ARHGEF6: variants seen among roughly 807,000 people sequenced by gnomAD.
ARHGEF6 encodes the protein Rac/Cdc42 guanine nucleotide exchange factor 6.
Under a neutral mutation model 70.3 loss-of-function variants are expected in ARHGEF6, and 9 were observed. The observed-to-expected ratio is 0.13, with a 90% CI of 0.08 to 0.22. The LOEUF is 0.22. Ranked by LOEUF, ARHGEF6 falls within the 10% of genes least tolerant of loss-of-function variation. The pLI is 1.00. For missense variants in ARHGEF6, 470 were observed against 563.0 expected (o/e 0.83, Z 1.67); for synonymous variants, 201 against 207.8 (o/e 0.97, Z 0.28).
At chrX:136,757,488 C>A (rs1164246843) in intron 2 of ARHGEF6, among the ~76,000 whole-genome samples, 1 of 112,120 alleles carries the variant, frequency 8.9e-6, no homozygotes, top group East Asian at 2.8e-4. Context: ...TCACCATCAT[C>A]TCCTTATATG....
rs764121106 is a variant in ARHGEF6, at chrX:136,743,631, T to G, written c.615A>C (p.Arg205Ser). Residue 205 changes from arginine (R) to serine (S), a missense_variant, in exon 5 of 22, where the codon AGA becomes AGC. This residue lies in a region of ARHGEF6 where 379 missense variants were observed against 449.3 expected (regional missense o/e 0.84). Coordinates refer to ENST00000250617, the MANE Select transcript of ARHGEF6 (RefSeq NM_004840.3). ...GGWWEGTLNG[R>S]TGWFPSNYVR... The stretch of plus-strand genomic sequence containing the variant: ...CATAATTACTGGGGAACCAGCCTGT[T>G]CTCCCATTTAATGTGCCTTCCCACC... The G allele has an allele frequency of 8.3e-7, 1 of 1,212,119 alleles. No homozygotes were observed. Among genetic ancestry groups the G allele is most frequent in the Non-Finnish European group, 1.1e-6 (1 of 895,572 alleles).
chrX:136,682,922 T>A, intron 12 of ARHGEF6, 78 bp from the exon 13 acceptor site: 1 of 793,178 alleles, frequency 1.3e-6, no homozygotes, highest in Non-Finnish European at 1.9e-6. Context: ...ATCACTGCCT[T>A]ATAACATAGA....
At chrX:136,718,836 C>T (rs762352195) in intron 6 of ARHGEF6, among the ~76,000 whole-genome samples, 2 of 109,240 alleles carry the variant, frequency 1.8e-5, no homozygotes, top group African/African-American at 6.6e-5. Context: ...TTTTCTTTGG[C>T]TGAGTTATAT....
chrX:136,681,828 A>T, intron 14 of ARHGEF6, 62 bp downstream of exon 14: 1 of 1,014,053 alleles, frequency 9.9e-7, no homozygotes, highest in Non-Finnish European at 1.4e-6. Context: ...TTTATTTATT[A>T]AATTCCCCTT....
At chrX:136,691,537 ATATACT>A (rs775917933) in intron 9 of ARHGEF6, among the ~76,000 whole-genome samples, 55 of 112,308 alleles carry the variant, frequency 4.9e-4, no homozygotes, top group African/African-American at 1.7e-3. Context: ...TTTAAGCAAA[ATATACT>A]TAGAGGAGGA....
chrX:136,669,534 C>T lies in ARHGEF6; in HGVS notation c.2138G>A (p.Ser713Asn). The stretch of plus-strand genomic sequence containing the variant: ...CAAGGCGTAAACAGTATCAACAAGG[C>T]TCCTAGAAAATAAAGATAAAATTCA... Reference protein sequence around the residue: ...SNGQTIMEEKSLVDTVYALKD... With the variant: ...SNGQTIMEEKNLVDTVYALKD... The change falls in exon 21 of 22, where the codon AGC becomes AAC. Residue 713 changes from serine (S) to asparagine (N), a missense_variant and splice_region_variant. Coordinates refer to ENST00000250617, the MANE Select transcript of ARHGEF6 (RefSeq NM_004840.3). 9 of 1,205,608 alleles carry T rather than the reference C, an allele frequency of 7.5e-6. No individual in the cohort carries two copies. Among genetic ancestry groups the T allele is most frequent in the Non-Finnish European group, 7.9e-6 (7 of 890,042 alleles).
intron 7 of ARHGEF6, among the ~76,000 whole-genome samples, chrX:136,713,072 C>T (rs2076703582): frequency 9.1e-6 from 1 of 110,240 alleles, no homozygotes. Flanking sequence ...ATTCCTTTCA[C>T]AGCCAGAAGA....
At chrX:136,731,819 T>C (rs1429164838) in intron 6 of ARHGEF6, among the ~76,000 whole-genome samples, 1 of 112,656 alleles carries the variant, frequency 8.9e-6, no homozygotes, top group African/African-American at 3.2e-5. Context: ...AATTTCACCA[T>C]AATTCTTACA....
At chrX:136,682,105 T>C (rs894996511) in intron 13 of ARHGEF6, 137 bp from the exon 14 acceptor site, 5 of 492,413 alleles carry the variant, frequency 1.0e-5, no homozygotes, top group African/African-American at 9.4e-5. Flanking sequence ...GATAATATGT[T>C]TCCCTGCTCT....
At chrX:136,741,998 C>T (rs768364805) in intron 5 of ARHGEF6, among the ~76,000 whole-genome samples, 6 of 111,674 alleles carry the variant, frequency 5.4e-5, no homozygotes, top group Non-Finnish European at 9.4e-5. Context: ...TGCATGGGGG[C>T]TCGGTGCCCT....
chrX:136,779,616 G>A (rs2077431865), intron 1 of ARHGEF6, 119 bp from the exon 2 acceptor site: 2 of 602,258 alleles, frequency 3.3e-6, no homozygotes, highest in South Asian at 4.8e-5. Flanking sequence ...CAACACTGCT[G>A]TCAATCCAGG....
intron 11 of ARHGEF6, among the ~76,000 whole-genome samples, chrX:136,686,641 TACAC>T (rs771810689): frequency 1.6e-4 from 11 of 66,771 alleles, no homozygotes; most frequent in Non-Finnish European, 2.1e-4. Context: ...TATATATATA[TACAC>T]ACATATATAT....
At chrX:136,764,194 T>A (rs1603355037) in intron 2 of ARHGEF6, among the ~76,000 whole-genome samples, 2 of 110,252 alleles carry the variant, frequency 1.8e-5, no homozygotes, top group South Asian at 3.8e-4. Context: ...ACAAGGCTTG[T>A]CTGATTTGGG....
At chrX:136,743,901 T>C in intron 4 of ARHGEF6, 115 bp from the exon 5 acceptor site, 1 of 679,157 alleles carries the variant, frequency 1.5e-6, no homozygotes, top group Non-Finnish European at 2.3e-6. Flanking sequence ...CCCAGATCCA[T>C]CTCAGTCCTG....
intron 5 of ARHGEF6, among the ~76,000 whole-genome samples, chrX:136,740,478 C>T (rs1427440377): frequency 9.0e-6 from 1 of 111,645 alleles, no homozygotes; most frequent in Non-Finnish European, 1.9e-5. Context: ...GCACTCATTT[C>T]CTGACCCAAG....
At chrX:136,737,523 A>C (rs1359294772) in intron 5 of ARHGEF6, 30 of 739,530 alleles carry the variant, frequency 4.1e-5, no homozygotes, top group Middle Eastern at 4.1e-4. Flanking sequence ...CTTAAAGACA[A>C]ATTTTCCTAA....
chrX:136,753,048 C>T (rs2077169013), intron 2 of ARHGEF6, among the ~76,000 whole-genome samples: 1 of 112,022 alleles, frequency 8.9e-6, no homozygotes, highest in African/African-American at 3.3e-5. Flanking sequence ...CACATAGCTC[C>T]TACTAAAAGC....
rs867044868 is a variant in ARHGEF6, at chrX:136,739,395, G to A, written c.661+4190C>T. Among the ~76,000 whole-genome samples the A allele has an allele frequency of 4.5e-5, 5 of 112,119 alleles. No individual in the cohort carries two copies. In the Middle Eastern group the frequency reaches 0.019, roughly 415 times the overall value. On this transcript the variant is annotated intron_variant, in intron 5 of 21. Transcript: ENST00000250617. The stretch of plus-strand genomic sequence containing the variant: ...ACAGACCTGTGTTGATTACTAGACT[G>A]TAAAGGTGCTAGGGGACGGGGTCTA...
chrX:136,777,313 TACAAATGGCCAAGAA>T (rs1354247468), intron 2 of ARHGEF6, among the ~76,000 whole-genome samples: 2 of 110,297 alleles, frequency 1.8e-5, no homozygotes, highest in East Asian at 2.8e-4. Context: ...AAAGAACATA[TACAAATGGCCAAGAA>T]ACATATGAAA....
Sources: gnomAD v4.1 joint callset for allele counts (sites outside exome capture counted in the v4.1 genomes callset) on GRCh38, gnomAD v4.1.1 for gene constraint, gnomAD v4.1.1 regional missense constraint, MANE v1.5 for transcripts, NCBI Gene and HGNC (gene_info 2026-07-23, HGNC 2026-07-21) for gene names.